The following ABI3BP variants were observed in gnomAD, a reference collection of about 807,000 sequenced individuals.
ABI3BP encodes ABI family member 3 binding protein, also known as target of Nesh-SH3.
A neutral mutation model predicts 268.6 loss-of-function variants in ABI3BP; 216 were observed. The ratio of observed to expected loss-of-function variants is 0.80; its 90% CI spans 0.72 to 0.90. ABI3BP has a LOEUF of 0.90. ABI3BP is among the 40% of genes least tolerant of loss of function. The pLI is 0.00. For synonymous variants in ABI3BP, 730 were observed against 730.0 expected, an observed-to-expected ratio of 1.00 and a Z score of 0.00; for missense variants, 2,090 against 2,182.4, an observed-to-expected ratio of 0.96 and a Z score of 0.84.
At chr3:100,869,330 G>GGTTTTTTTTTTTTTTT (rs2099085420) in intron 9 of ABI3BP, among the ~76,000 whole-genome samples, 2 of 49,754 alleles carry the variant, frequency 4.0e-5, no homozygotes, top group Non-Finnish European at 6.9e-5. Context: ...CTTCTTTTTG[G>GGTTTTTTTTTTTTTTT]TTTTTTTTTT....
chr3:100,989,423 T>C (rs1267741789), intron 1 of ABI3BP, among the ~76,000 whole-genome samples: 1 of 152,152 alleles, frequency 6.6e-6, no homozygotes, highest in Non-Finnish European at 1.5e-5. Flanking sequence ...ATGGTAATAG[T>C]TATTAATAGC....
intron 44 of ABI3BP, among the ~76,000 whole-genome samples, chr3:100,815,262 A>T (rs937497775): frequency 1.1e-4 from 17 of 152,118 alleles, no homozygotes; most frequent in Non-Finnish European, 1.8e-4. Flanking sequence ...TTCCTAAATT[A>T]AAAAAAATTA....
chr3:100,828,425 G>A lies in ABI3BP; in HGVS notation c.2570C>T (p.Ser857Phe), dbSNP rs2152761904. 2.0e-6 allele frequency: 3 copies of A among 1,535,324 alleles called. 1 individual carries two copies. The highest frequency in any genetic ancestry group is 4.9e-5 in the East Asian group (2 of 40,906). The part of the protein sequence containing the change: ...LVPATIFEPV[S>F]PIKEAPGTTF... ...TGTCCCTGGAGCCTCTTTTATAGGA[G>A]AAACTGGTTCAAAGATTGTAGCAGG... Residue 857 changes from serine to phenylalanine, a missense_variant, in exon 34 of 68, where the codon TCT (serine) becomes TTT (phenylalanine). By Grantham distance (155) the Ser-to-Phe change is radical. Coordinates refer to ENST00000471714, the MANE Select transcript of ABI3BP (RefSeq NM_001375547.2).
At position 100,848,815 on chromosome 3, in the gene ABI3BP, G is replaced by C. The variant is rs767690978; in HGVS notation, c.1562C>G (p.Pro521Arg). Reference sequence around the variant, plus strand: ...GAGACATTTACCAGGTTTGGTTCTTGGCGGTTTGGGCCGGGGGCGTCGTTT... The same window carrying C: ...GAGACATTTACCAGGTTTGGTTCTTCGCGGTTTGGGCCGGGGGCGTCGTTT... Reference protein sequence around the residue: ...TPKRRPRPKPPRTKPERTTSA... With the variant: ...TPKRRPRPKPRRTKPERTTSA... The change falls in exon 18 of 68, where the codon CCA (proline) becomes CGA (arginine). Residue 521 changes from proline to arginine, a missense_variant. Pro to Arg is a moderately radical substitution (Grantham distance 103, BLOSUM62 -2). Transcript: ENST00000471714. The C allele has an allele frequency of 6.2e-7, 1 of 1,613,034 alleles. No individual in the cohort carries two copies. Among genetic ancestry groups the C allele is most frequent in the Non-Finnish European group, 8.5e-7 (1 of 1,179,154 alleles).
At chr3:100,820,954 A>C in intron 39 of ABI3BP, 100 bp downstream of exon 39, 1 of 947,940 alleles carries the variant, frequency 1.1e-6, no homozygotes, top group Non-Finnish European at 1.6e-6. Flanking sequence ...GAGAATGATG[A>C]TGTAGTCTTG....
At chr3:100,750,720 C>A in intron 67 of ABI3BP, 110 bp from the exon 68 acceptor site, 1 of 697,614 alleles carries the variant, frequency 1.4e-6, no homozygotes, top group Non-Finnish European at 2.3e-6. Flanking sequence ...CTTAGTGAAG[C>A]GAGGTAATTT....
At chr3:100,787,877 A>C (rs924879601) in intron 56 of ABI3BP, 75 bp from the exon 57 acceptor site, 3 of 1,094,972 alleles carry the variant, frequency 2.7e-6, no homozygotes, top group Non-Finnish European at 3.8e-6. Context: ...AATTTCTCAG[A>C]GAATTGAAAG....
rs142384657 is a variant in ABI3BP, at chr3:100,969,457, G to C, written c.79+23849C>G. ...CAAGAGCCAAGTACTAAAGGGATGGGCTCGCCCAATAAATGTGGCCAGCAG... is the reference window on the plus strand; with the variant it reads ...CAAGAGCCAAGTACTAAAGGGATGGCCTCGCCCAATAAATGTGGCCAGCAG... On this transcript the variant is annotated intron_variant, in intron 1 of 67. Coordinates refer to ENST00000471714, the MANE Select transcript of ABI3BP (RefSeq NM_001375547.2). Among the ~76,000 whole-genome samples, 369 of 152,266 alleles carry C rather than the reference G, an allele frequency of 2.4e-3. 1 individual carries two copies. Among genetic ancestry groups the C allele is most frequent in the Non-Finnish European group, 4.0e-3 (269 of 68,026 alleles).
intron 1 of ABI3BP, among the ~76,000 whole-genome samples, chr3:100,946,135 A>G (rs963181526): frequency 1.3e-5 from 2 of 151,922 alleles, no homozygotes; most frequent in Admixed American, 1.3e-4. Flanking sequence ...CTTTGGGAGG[A>G]CAAGGTGGGC....
chr3:100,829,257 A>G (rs1424683803), intron 33 of ABI3BP, among the ~76,000 whole-genome samples: 1 of 152,158 alleles, frequency 6.6e-6, no homozygotes, highest in Non-Finnish European at 1.5e-5. Flanking sequence ...CTCCTGCCTT[A>G]GATCCTTATT....
intron 63 of ABI3BP, among the ~76,000 whole-genome samples, chr3:100,757,569 A>G (rs1250603150): frequency 6.6e-6 from 1 of 152,230 alleles, no homozygotes; most frequent in Non-Finnish European, 1.5e-5. Flanking sequence ...TGAGGACTCA[A>G]AAATATTGCC....
intron 4 of ABI3BP, among the ~76,000 whole-genome samples, chr3:100,886,866 A>C (rs1382886474): frequency 6.6e-6 from 1 of 151,966 alleles, no homozygotes; most frequent in African/African-American, 2.4e-5. Context: ...CCAATAGCCA[A>C]GTTAAGAGTC....
At chr3:100,861,215 C>T (rs554633499) in intron 14 of ABI3BP, among the ~76,000 whole-genome samples, 90 of 152,248 alleles carry the variant, frequency 5.9e-4, no homozygotes, top group African/African-American at 2.1e-3. Flanking sequence ...CTAGGGGTGA[C>T]TATAATAGAC....
chr3:100,756,761 C>G (rs1056549436), intron 63 of ABI3BP, among the ~76,000 whole-genome samples: 7 of 139,620 alleles, frequency 5.0e-5, no homozygotes, highest in Admixed American at 4.7e-4. Flanking sequence ...GCCACATATA[C>G]AAGCTACTTT....
Position 100,926,161 on chromosome 3 carries a change from T to G in ABI3BP, c.259+141A>C, listed in dbSNP as rs1209052839. ...ATTATGCTATGAGTTACAACAATTA[T>G]GAAGATGTCTTGTAATTCTACCATT... On this transcript the variant is annotated intron_variant, in intron 2 of 67. Coordinates refer to ENST00000471714, the MANE Select transcript of ABI3BP (RefSeq NM_001375547.2). 5 of 836,580 alleles carry G rather than the reference T, an allele frequency of 6.0e-6. No individual in the cohort carries two copies. The East Asian group carries it at 1.3e-4, about 22-fold the overall frequency. 51.8% of individuals were successfully genotyped at this position (836,580 alleles called of 1,614,324 possible).
In ABI3BP at chr3:100,898,879, C is replaced by A. The variant is rs377514499; in HGVS notation, c.344G>T (p.Arg115Leu). ...KKSCSGKTRS[R>L]KPLQLVVGTL... is the part of the protein sequence containing the mutation. ...GCCAACCACCAGCTGCAGAGGTTTG[C>A]GAGAACGAGTTTTACCTGTGGAGGT... Residue 115 changes from arginine (R) to leucine (L), a missense_variant, in exon 4 of 68, where the codon CGC becomes CTC. Coordinates refer to ENST00000471714, the MANE Select transcript of ABI3BP (RefSeq NM_001375547.2). 8 of 1,609,576 alleles carry A rather than the reference C, an allele frequency of 5.0e-6. No individual in the cohort carries two copies. The South Asian group carries it at 7.8e-5, about 16-fold the overall frequency.
intron 14 of ABI3BP, among the ~76,000 whole-genome samples, chr3:100,854,499 A>G (rs2098916391): frequency 6.6e-6 from 1 of 152,218 alleles, no homozygotes; most frequent in African/African-American, 2.4e-5. Flanking sequence ...AAAATTCATG[A>G]AATTGTTAGG....
intron 14 of ABI3BP, among the ~76,000 whole-genome samples, chr3:100,855,601 C>T (rs989896711): frequency 1.3e-5 from 2 of 152,180 alleles, no homozygotes; most frequent in African/African-American, 4.8e-5. Flanking sequence ...GTAGCTTAAG[C>T]TCTTAGTAAG....
At chr3:100,826,970 T>C (rs2098398853) in intron 34 of ABI3BP, among the ~76,000 whole-genome samples, 1 of 152,176 alleles carries the variant, frequency 6.6e-6, no homozygotes, top group African/African-American at 2.4e-5. Flanking sequence ...GCAGGATCTC[T>C]GCCCTTTCTG....
Sources: allele counts gnomAD v4.1 joint callset (sites outside exome capture counted in the v4.1 genomes callset), GRCh38; gene constraint gnomAD v4.1.1; transcripts MANE v1.5; gene names NCBI Gene and HGNC (gene_info 2026-07-23, HGNC 2026-07-21).